The following PUS10 variants were observed in gnomAD, a reference collection of about 807,000 sequenced individuals.
PUS10 encodes the protein pseudouridine synthase 10.
Under a neutral mutation model 75.0 loss-of-function variants are expected in PUS10, and 59 were observed. That is an observed-to-expected ratio of 0.79 (90% confidence interval 0.64 to 0.98). The LOEUF (loss-of-function observed/expected upper bound fraction) is 0.98, where lower values mean the gene tolerates loss of function less well. PUS10 is among the 50% of genes least tolerant of loss of function. The pLI is 0.00. For synonymous variants in PUS10, 219 were observed against 211.6 expected (o/e 1.03, Z -0.30); for missense variants, 650 against 614.4 (o/e 1.06, Z -0.61).
At chr2:60,967,163 T>A (rs1291752181) in intron 6 of PUS10, 1 of 226,124 alleles carries the variant, frequency 4.4e-6, no homozygotes, top group Non-Finnish European at 8.2e-6. Flanking sequence ...TAGTCCAGAG[T>A]TGACTCTATA....
chr2:60,942,145 T>C lies in PUS10; in HGVS notation c.*250A>G. The C allele has an allele frequency of 2.3e-6, 1 of 436,336 alleles. No individual in the cohort carries two copies. The highest frequency in any genetic ancestry group is 3.7e-5 in the East Asian group (1 of 27,024). 27.0% of individuals were successfully genotyped at this position (436,336 alleles called of 1,614,324 possible). On this transcript the variant is annotated 3_prime_UTR_variant, in exon 18 of 18. Transcript: ENST00000316752. ...TTAAGGAGAATTATTTCATTATTCATAGTTTGGTTTGTGGGGGTGAAAGAG... is the reference window on the plus strand; with the variant it reads ...TTAAGGAGAATTATTTCATTATTCACAGTTTGGTTTGTGGGGGTGAAAGAG...
At chr2:61,010,829 C>T (rs1000276606) in intron 2 of PUS10, 4 of 1,550,434 alleles carry the variant, frequency 2.6e-6, no homozygotes, top group Non-Finnish European at 3.5e-6. Context: ...AGCTTGCTCA[C>T]TTAATAGCTG....
chr2:61,009,953 T>G (rs935256100), intron 2 of PUS10: 1 of 152,222 alleles, frequency 6.6e-6, no homozygotes, highest in African/African-American at 2.4e-5. Context: ...CAAATATGTT[T>G]GTTGTTACCT....
At chr2:61,012,685 T>A (rs1356821031) in intron 1 of PUS10, among the ~76,000 whole-genome samples, 4 of 141,020 alleles carry the variant, frequency 2.8e-5, no homozygotes, top group African/African-American at 5.7e-5. Context: ...AAAAAAAAAA[T>A]TTGCCGGGCA....
At chr2:60,960,335 C>T (rs536691799) in intron 11 of PUS10, 57 bp downstream of exon 11, 2 of 1,315,726 alleles carry the variant, frequency 1.5e-6, no homozygotes, top group East Asian at 2.7e-5. Flanking sequence ...CAAAGCAAGC[C>T]CCTATCTCAA....
intron 4 of PUS10, among the ~76,000 whole-genome samples, chr2:60,974,729 G>C (rs553425920): frequency 1.3e-5 from 2 of 152,354 alleles, no homozygotes; most frequent in East Asian, 3.9e-4. Flanking sequence ...GCTTCACAGG[G>C]AGCCATGACT....
intron 4 of PUS10, among the ~76,000 whole-genome samples, chr2:60,976,458 T>C (rs1025658698): frequency 6.6e-6 from 1 of 152,258 alleles, no homozygotes; most frequent in Non-Finnish European, 1.5e-5. Context: ...AAGCAAACTC[T>C]GTTCTCTACA....
At chr2:60,972,069 A>T (rs1421059102) in intron 4 of PUS10, among the ~76,000 whole-genome samples, 1 of 148,082 alleles carries the variant, frequency 6.8e-6, no homozygotes, top group Admixed American at 6.7e-5. Flanking sequence ...GGTTTTCACC[A>T]TGTTGGCCAG....
At chr2:60,999,569 G>A (rs1455526941) in intron 4 of PUS10, among the ~76,000 whole-genome samples, 1 of 152,122 alleles carries the variant, frequency 6.6e-6, no homozygotes, top group East Asian at 1.9e-4. Flanking sequence ...GCAGTGAGCT[G>A]TGATCACATC....
In PUS10 at chr2:60,945,016, T is replaced by G; in HGVS notation, c.1544A>C (p.Asp515Ala). 1 of 1,612,612 alleles carries G rather than the reference T, an allele frequency of 6.2e-7. No homozygotes were observed. The highest frequency in any genetic ancestry group is 8.5e-7 in the Non-Finnish European group (1 of 1,178,618). Residue 515 changes from aspartate (D) to alanine (A), a missense_variant, in exon 17 of 18, where the codon GAT becomes GCT. Transcript: ENST00000316752. ...CACAACAAAATGGTTTACCTCAACATCCAGCTCCAGAATGTCTGCAGTCAC... is the reference window on the plus strand; with the variant it reads ...CACAACAAAATGGTTTACCTCAACAGCCAGCTCCAGAATGTCTGCAGTCAC... ...MNVTADILEL[D>A]VESVDVDWPP...
rs890632119 is a variant in PUS10, at chr2:60,947,828, C to CAAAAAAAAAAAAAAAAAAAAAAAAAAA, written c.1451+214_1451+215insTTTTTTTTTTTTTTTTTTTTTTTTTTT. Reference sequence around the variant, plus strand: ...TGGGCGACAGAGCGAGACTCTGCCTCAAAAAAAAAAAAAAAAAAAAAAGAA... The same window carrying CAAAAAAAAAAAAAAAAAAAAAAAAAAA: ...TGGGCGACAGAGCGAGACTCTGCCTCAAAAAAAAAAAAAAAAAAAAAAAAAAAAAAAAAAAAAAAAAAAAAAAAAGAA... On this transcript the variant is annotated intron_variant, in intron 16 of 17. Transcript: ENST00000316752. Among the ~76,000 whole-genome samples the CAAAAAAAAAAAAAAAAAAAAAAAAAAA allele has an allele frequency of 8.7e-5, 4 of 46,036 alleles. 1 individual carries two copies. Among genetic ancestry groups the CAAAAAAAAAAAAAAAAAAAAAAAAAAA allele is most frequent in the Non-Finnish European group, 1.9e-4 (4 of 21,610 alleles). 30.2% of individuals were successfully genotyped at this position (46,036 alleles called of 152,430 possible).
chr2:60,971,699 T>G, intron 4 of PUS10, 142 bp from the exon 5 acceptor site: 1 of 753,210 alleles, frequency 1.3e-6, no homozygotes, highest in South Asian at 1.6e-5. Flanking sequence ...ATTCAAAAAT[T>G]TACCAGTGAC....
chr2:60,961,661 T>A, intron 9 of PUS10, 113 bp from the exon 10 acceptor site: 2 of 923,896 alleles, frequency 2.2e-6, no homozygotes, highest in Non-Finnish European at 1.7e-6. Context: ...TCTCTCTAAC[T>A]TTTAGTTTCG....
intron 15 of PUS10, among the ~76,000 whole-genome samples, chr2:60,951,547 C>T (rs1423059929): frequency 6.6e-6 from 1 of 152,134 alleles, no homozygotes; most frequent in Non-Finnish European, 1.5e-5. Context: ...CAACCTAGAT[C>T]CCTCGCACGT....
chr2:60,988,263 C>A (rs1053534433), intron 4 of PUS10, among the ~76,000 whole-genome samples: 1 of 152,104 alleles, frequency 6.6e-6, no homozygotes, highest in Admixed American at 6.5e-5. Flanking sequence ...TTAAAATCTG[C>A]AAACATTCTA....
At chr2:60,981,077 G>A (rs891952252) in intron 4 of PUS10, among the ~76,000 whole-genome samples, 20 of 151,860 alleles carry the variant, frequency 1.3e-4, no homozygotes, top group Non-Finnish European at 4.4e-5. Context: ...TTTTTTAGTA[G>A]AGATGGGGTT....
At chr2:60,983,818 T>A (rs1244932107) in intron 4 of PUS10, among the ~76,000 whole-genome samples, 2 of 152,032 alleles carry the variant, frequency 1.3e-5, no homozygotes, top group Non-Finnish European at 2.9e-5. Context: ...AAACTATCAT[T>A]ATTTGCAAAT....
intron 4 of PUS10, among the ~76,000 whole-genome samples, chr2:60,972,430 A>T (rs2104425269): frequency 6.6e-6 from 1 of 151,952 alleles, no homozygotes; most frequent in East Asian, 2.0e-4. Context: ...AGATCGCGCC[A>T]CTGCCCTCCA....
Position 60,961,544 on chromosome 2 carries a change from A to C in PUS10, c.793T>G (p.Phe265Val). The change falls in exon 10 of 18, where the codon TTT becomes GTT. Residue 265 changes from phenylalanine (F) to valine (V), a missense_variant. Coordinates refer to ENST00000316752, the MANE Select transcript of PUS10 (RefSeq NM_144709.4). ...TTTGGTGAGTTTGGAGGACAAGGAA[A>C]CTGCCTGCAAAACAAAATAAATTTT... ...KIKEEDFLKQ[F>V]PCPPNSPKAV... 6.2e-7 allele frequency: 1 copy of C among 1,613,054 alleles called. No homozygotes were observed. The highest frequency in any genetic ancestry group is 8.5e-7 in the Non-Finnish European group (1 of 1,179,070).
Sources: allele counts gnomAD v4.1 joint callset (sites outside exome capture counted in the v4.1 genomes callset), GRCh38; gene constraint gnomAD v4.1.1; transcripts MANE v1.5; gene names NCBI Gene and HGNC (gene_info 2026-07-23, HGNC 2026-07-21).